Variants in MCUR1 observed in about 807,000 individuals in gnomAD.
The protein encoded by MCUR1 is mitochondrial calcium uniporter regulator 1, also known as MCU regulator 1.
A neutral mutation model predicts 42.0 loss-of-function variants in MCUR1; 37 were observed. The ratio of observed to expected loss-of-function variants is 0.88; its 90% CI spans 0.68 to 1.16. The LOEUF (loss-of-function observed/expected upper bound fraction) is 1.16. Among genes scored for constraint, MCUR1 ranks in the 50% most tolerant of loss-of-function variants. The pLI is 0.00. For synonymous variants in MCUR1, 229 were observed against 196.2 expected, an observed-to-expected ratio of 1.17 and a Z score of -1.40; for missense variants, 469 against 468.4, an observed-to-expected ratio of 1.00 and a Z score of -0.01.
rs1163708291 is a variant in MCUR1 at position 13,814,473 on chromosome 6, C to T, written c.-44G>A. On this transcript the variant is annotated 5_prime_UTR_variant, in exon 1 of 9. Coordinates refer to ENST00000379170, the MANE Select transcript of MCUR1 (RefSeq NM_001031713.4). ...CCCGGGCGCGCGCTCATGCCTCTCG[C>T]TTTTGGCGCCGGCCACGCGCGGTCC... is the stretch of plus-strand genomic sequence containing the variant. 7.0e-7 allele frequency: 1 copy of T among 1,436,354 alleles called. No individual in the cohort carries two copies. The allele number at this position is 1,436,354 out of a possible 1,614,324, so 89.0% of individuals were successfully genotyped here.
intron 1 of MCUR1, among the ~76,000 whole-genome samples, chr6:13,812,768 G>A (rs928616182): frequency 6.6e-6 from 1 of 152,220 alleles, no homozygotes; most frequent in Non-Finnish European, 1.5e-5. Context: ...TGTGTAGTTA[G>A]TGATGGCTAC....
At position 13,806,930 on chromosome 6, in the gene MCUR1, T is replaced by C. The variant is rs745688403; in HGVS notation, c.530A>G (p.Asp177Gly). 3 of 1,603,004 alleles carry C rather than the reference T, an allele frequency of 1.9e-6. No individual in the cohort carries two copies. The highest frequency in any genetic ancestry group is 2.6e-6 in the Non-Finnish European group (3 of 1,172,496). ...DTHALVCLLE[D>G]NGFATQQAEI... ...GACGAATGACAGAGGATTACCATTG[T>C]CTTCCAGTAAGCACACTAAGGCATG... The change falls in exon 2 of 9, where the codon GAC (aspartate) becomes GGC (glycine). Residue 177 changes from aspartate to glycine, a missense_variant. Transcript: ENST00000379170.
Position 13,804,934 on chromosome 6 carries a change from C to T in MCUR1, c.535+1991G>A, listed in dbSNP as rs139291814. ...ATGAGAAATTTTGTTAACCTGAAGA[C>T]ACAGGTCTGGATAAAGAAAGGGTAG... On this transcript the variant is annotated intron_variant, in intron 2 of 8. Coordinates refer to ENST00000379170, the MANE Select transcript of MCUR1 (RefSeq NM_001031713.4). 5.9e-3 allele frequency among the ~76,000 whole-genome samples: 894 copies of T among 151,744 alleles called. 18 individuals are homozygous for T. Among genetic ancestry groups the T allele is most frequent in the Middle Eastern group, 0.014 (4 of 292 alleles).
intron 6 of MCUR1, among the ~76,000 whole-genome samples, chr6:13,797,787 G>A (rs1242813313): frequency 6.6e-6 from 1 of 152,068 alleles, no homozygotes; most frequent in Non-Finnish European, 1.5e-5. Context: ...ACTTTAGGAG[G>A]ACAAGGTGGG....
At chr6:13,810,996 T>G (rs1481132892) in intron 1 of MCUR1, among the ~76,000 whole-genome samples, 1 of 152,238 alleles carries the variant, frequency 6.6e-6, no homozygotes, top group Non-Finnish European at 1.5e-5. Context: ...ATTGCATGCT[T>G]AAGCATGGCT....
At chr6:13,807,097 A>G in intron 1 of MCUR1, 53 bp from the exon 2 acceptor site, 2 of 1,538,298 alleles carry the variant, frequency 1.3e-6, no homozygotes, top group Non-Finnish European at 1.8e-6. Context: ...AAACAAAAGC[A>G]ACTCAGCACC....
rs1258354666 is a variant in MCUR1, at chr6:13,786,631, GT to G, written c.*4177del. On this transcript the variant is annotated 3_prime_UTR_variant, in exon 9 of 9. Transcript: ENST00000379170. ...TAGATTTACTTAGAAATTCACCAGT[GT>G]TATCATTATACAATTGGCTGGAATT... 1 of 152,074 alleles carries G rather than the reference GT, an allele frequency of 6.6e-6. No individual in the cohort carries two copies. The highest frequency in any genetic ancestry group is 1.5e-5 in the Non-Finnish European group (1 of 68,022). 9.4% of individuals were successfully genotyped at this position (152,074 alleles called of 1,614,324 possible).
chr6:13,797,993 G>A (rs149470422), intron 6 of MCUR1, among the ~76,000 whole-genome samples: 351 of 151,812 alleles, frequency 2.3e-3, no homozygotes, highest in African/African-American at 8.1e-3. Context: ...ACTGCACTCC[G>A]GCCTCGGCAA....
chr6:13,803,831 T>C, intron 2 of MCUR1: 1 of 985,404 alleles, frequency 1.0e-6, no homozygotes, highest in African/African-American at 1.7e-5. Context: ...ATTTTAAAGT[T>C]TTATTAAGAA....
intron 6 of MCUR1, among the ~76,000 whole-genome samples, chr6:13,795,297 G>A (rs1240716257): frequency 6.6e-6 from 1 of 152,072 alleles, no homozygotes; most frequent in African/African-American, 2.4e-5. Context: ...CGTGGAACAA[G>A]ATTTTGTGCA....
chr6:13,813,880 G>T, intron 1 of MCUR1, 135 bp downstream of exon 1: 1 of 955,124 alleles, frequency 1.0e-6, no homozygotes, highest in Non-Finnish European at 1.4e-6. Context: ...CACGCTCCGG[G>T]CAGATGCCGG....
rs1760124064 is a variant in MCUR1, at chr6:13,806,950, G to A, written c.510C>T (p.Ala170=). ...CATTGTCTTCCAGTAAGCACACTAA[G>A]GCATGAGTGTCGAAGTAGAGTTTCC... ...GSRKLYFDTH[A]LVCLLEDNGF... The change falls in exon 2 of 9, where the codon GCC becomes GCT. Residue 170 remains alanine, a synonymous_variant. Coordinates refer to ENST00000379170, the MANE Select transcript of MCUR1 (RefSeq NM_001031713.4). The A allele has an allele frequency of 6.2e-7, 1 of 1,612,914 alleles. No individual in the cohort carries two copies. The highest frequency in any genetic ancestry group is 8.5e-7 in the Non-Finnish European group (1 of 1,179,190).
chr6:13,805,421 A>G (rs1362912260), intron 2 of MCUR1, among the ~76,000 whole-genome samples: 2 of 152,244 alleles, frequency 1.3e-5, no homozygotes, highest in African/African-American at 4.8e-5. Context: ...TACACAGCAT[A>G]TGACAGTTTT....
rs767107921 is a variant in MCUR1, at chr6:13,791,989, C to T, written c.913G>A (p.Ala305Thr). Residue 305 changes from alanine (A) to threonine (T), a missense_variant, in exon 8 of 9, where the codon GCC becomes ACC. Ala to Thr is a moderately conservative substitution (Grantham distance 58, BLOSUM62 0). Transcript: ENST00000379170. ...TGGGTAAGGGCCCGATCTTGCTGGG[C>T]ATGCTTTTAAAATGAAGAGAGTCAC... Reference protein sequence around the residue: ...ELRTEIVALHAQQDRALTQTD... With the variant: ...ELRTEIVALHTQQDRALTQTD... 4.3e-6 allele frequency: 7 copies of T among 1,613,268 alleles called. 1 individual carries two copies. The highest frequency in any genetic ancestry group is 2.2e-5 in the South Asian group (2 of 91,044).
chr6:13,791,292 G>A (rs944414590), intron 8 of MCUR1, among the ~76,000 whole-genome samples: 3 of 152,148 alleles, frequency 2.0e-5, no homozygotes, highest in African/African-American at 7.2e-5. Flanking sequence ...AAATTCTGTG[G>A]TCACAAGGTC....
Position 13,798,835 on chromosome 6 carries a change from A to G in MCUR1, c.853T>C (p.Leu285=). The part of the protein sequence containing the change: ...FNLEKSRVKE[L]YSLNEKKLLE... ...GTGTTTTTAGTAAAGGAACGTACCA[A>G]TTCTTTTACTCTGCTCTTTTCTAGG... Residue 285 remains leucine, a splice_region_variant and synonymous_variant, in exon 6 of 9, where the codon TTG becomes CTG. Coordinates refer to ENST00000379170, the MANE Select transcript of MCUR1 (RefSeq NM_001031713.4). 6.2e-7 allele frequency: 1 copy of G among 1,610,180 alleles called. No individual in the cohort carries two copies. The highest frequency in any genetic ancestry group is 8.5e-7 in the Non-Finnish European group (1 of 1,177,066).
intron 8 of MCUR1, among the ~76,000 whole-genome samples, chr6:13,791,555 C>G (rs1759728331): frequency 6.6e-6 from 1 of 152,090 alleles, no homozygotes; most frequent in South Asian, 2.1e-4. Context: ...ACTGAAACAC[C>G]TTCCATTTTA....
At chr6:13,800,500 C>A in intron 4 of MCUR1, 118 bp from the exon 5 acceptor site, 1 of 594,974 alleles carries the variant, frequency 1.7e-6, no homozygotes, top group South Asian at 2.4e-5. Flanking sequence ...TTCAGAACAC[C>A]GTATTGATTG....
intron 8 of MCUR1, among the ~76,000 whole-genome samples, chr6:13,791,291 G>A (rs1257983971): frequency 1.3e-5 from 2 of 151,982 alleles, no homozygotes; most frequent in Non-Finnish European, 2.9e-5. Flanking sequence ...AAAATTCTGT[G>A]GTCACAAGGT....
Sources: gnomAD v4.1 joint callset for allele counts (sites outside exome capture counted in the v4.1 genomes callset) on GRCh38, gnomAD v4.1.1 for gene constraint, MANE v1.5 for transcripts, NCBI Gene and HGNC (gene_info 2026-07-23, HGNC 2026-07-21) for gene names.